Variants in SNRPD3 observed in about 807,000 individuals in gnomAD.
SNRPD3 encodes small nuclear ribonucleoprotein D3 polypeptide.
For missense variants in SNRPD3, 73 were observed against 167.5 expected (o/e 0.44, Z 3.11); for synonymous variants, 66 against 58.4 (o/e 1.13, Z -0.59).
intron 2 of SNRPD3, among the ~76,000 whole-genome samples, chr22:24,563,023 C>T (rs1478531599): frequency 3.3e-5 from 5 of 152,150 alleles, no homozygotes; most frequent in African/African-American, 1.2e-4. Context: ...TATGGTCCCT[C>T]AAGTAGTTTT....
intron 2 of SNRPD3, among the ~76,000 whole-genome samples, chr22:24,566,765 G>A (rs1272015232): frequency 5.9e-5 from 9 of 152,172 alleles, no homozygotes; most frequent in Admixed American, 5.9e-4. Context: ...TGCTTTTTCT[G>A]TAAATGTGGT....
rs1467545713 is a variant in SNRPD3 at position 24,563,204 on chromosome 22, A to ATGTGTGTGTGTG, written c.127-4779_127-4778insGTGTGTGTGTGT. Among the ~76,000 whole-genome samples, 29 of 99,434 alleles carry ATGTGTGTGTGTG rather than the reference A, an allele frequency of 2.9e-4. No individual in the cohort carries two copies. In the South Asian group the frequency reaches 5.0e-3, roughly 17 times the overall value. The allele number at this position is 99,434 out of a possible 152,430, so 65.2% of individuals were successfully genotyped here. ...GCAACACAGTGAGACCCTGTCTCAT[A>ATGTGTGTGTGTG]TATGTGTGTGTGTGTGTGTGTGTGT... On this transcript the variant is annotated intron_variant, in intron 2 of 3. Coordinates refer to ENST00000215829, the MANE Select transcript of SNRPD3 (RefSeq NM_004175.5).
intron 3 of SNRPD3, 41 bp from the exon 4 acceptor site, chr22:24,571,875 G>A (rs779277849): frequency 3.2e-5 from 51 of 1,611,374 alleles, no homozygotes; most frequent in African/African-American, 4.0e-5. Context: ...AGCATTCACC[G>A]ACCACACTGA....
intron 2 of SNRPD3, among the ~76,000 whole-genome samples, chr22:24,561,535 CTG>C (rs918344602): frequency 3.2e-4 from 49 of 152,188 alleles, no homozygotes; most frequent in African/African-American, 1.1e-3. Context: ...AGCCAGCAGA[CTG>C]TGGCGTAGCT....
Position 24,572,118 on chromosome 22 carries a change from T to TG in SNRPD3, c.*147dup. The TG allele has an allele frequency of 2.0e-6, 3 of 1,467,360 alleles. No homozygotes were observed. The highest frequency in any genetic ancestry group is 1.4e-5 in the African/African-American group (1 of 71,120). The allele number at this position is 1,467,360 out of a possible 1,614,324, so 90.9% of individuals were successfully genotyped here. ...GGGAAATGTTTAAGCTAAATAAATC[T>TG]GGGGGGTTTTTTGTTCTGTTTTGTT... is the stretch of plus-strand genomic sequence containing the variant. On this transcript the variant is annotated 3_prime_UTR_variant, in exon 4 of 4. Coordinates refer to ENST00000215829, the MANE Select transcript of SNRPD3 (RefSeq NM_004175.5).
At chr22:24,569,291 T>C (rs1412143940) in intron 3 of SNRPD3, among the ~76,000 whole-genome samples, 1 of 152,204 alleles carries the variant, frequency 6.6e-6, no homozygotes, top group Admixed American at 6.5e-5. Flanking sequence ...TAGCCTAATT[T>C]GGTTTTATAT....
chr22:24,574,705 C>A lies in SNRPD3; in HGVS notation c.*2728C>A, dbSNP rs1182225027. Among the ~76,000 whole-genome samples, 1 of 152,144 alleles carries A rather than the reference C, an allele frequency of 6.6e-6. No homozygotes were observed. The highest frequency in any genetic ancestry group is 1.5e-5 in the Non-Finnish European group (1 of 68,030). ...TACTGGTGCACACCACCATGCCTAG[C>A]TAATTTTTGTATTTTTTGTAGAGAC... is the stretch of plus-strand genomic sequence containing the variant. On this transcript the variant is annotated 3_prime_UTR_variant, in exon 4 of 4. Transcript: ENST00000215829.
rs149935672 is a variant in SNRPD3 at position 24,567,836 on chromosome 22, A to G, written c.127-148A>G. ...GTGCTCAGTGCAGTCCCTGGTGTAC[A>G]CAGTTAGTACCGATGATTGCTGGGT... On this transcript the variant is annotated intron_variant, in intron 2 of 3. Coordinates refer to ENST00000215829, the MANE Select transcript of SNRPD3 (RefSeq NM_004175.5). 86 of 620,788 alleles carry G rather than the reference A, an allele frequency of 1.4e-4. 1 individual carries two copies. In the South Asian group the frequency reaches 1.7e-3, roughly 12 times the overall value. The allele number at this position is 620,788 out of a possible 1,614,324, so 38.5% of individuals were successfully genotyped here. A position where few individuals can be genotyped will look rare whatever the true frequency, so the allele number is the denominator to read the frequency against.
Position 24,572,998 on chromosome 22 carries a change from T to C in SNRPD3, c.*1021T>C, listed in dbSNP as rs538165529. ...GAGGTAGAGGATTGTTTGAGAGGAGTTCAAAACCAGCCCGCGAGACATAGT... is the reference window on the plus strand; with the variant it reads ...GAGGTAGAGGATTGTTTGAGAGGAGCTCAAAACCAGCCCGCGAGACATAGT... On this transcript the variant is annotated 3_prime_UTR_variant, in exon 4 of 4. Coordinates refer to ENST00000215829, the MANE Select transcript of SNRPD3 (RefSeq NM_004175.5). Among the ~76,000 whole-genome samples, 11 of 151,864 alleles carry C rather than the reference T, an allele frequency of 7.2e-5. No homozygotes were observed. Among genetic ancestry groups the C allele is most frequent in the Non-Finnish European group, 1.0e-4 (7 of 67,982 alleles).
At chr22:24,563,201 C>CGTGTGT (rs1569025361) in intron 2 of SNRPD3, among the ~76,000 whole-genome samples, 3 of 121,662 alleles carry the variant, frequency 2.5e-5, no homozygotes, top group Middle Eastern at 4.0e-3. Context: ...GACCCTGTCT[C>CGTGTGT]ATATATGTGT....
At chr22:24,563,017 G>T (rs562573494) in intron 2 of SNRPD3, among the ~76,000 whole-genome samples, 2 of 152,246 alleles carry the variant, frequency 1.3e-5, no homozygotes, top group South Asian at 4.1e-4. Context: ...CCCTTTTATG[G>T]TCCCTCAAGT....
At chr22:24,557,424 G>A (rs915965233) in intron 1 of SNRPD3, among the ~76,000 whole-genome samples, 1 of 151,752 alleles carries the variant, frequency 6.6e-6, no homozygotes, top group African/African-American at 2.4e-5. Flanking sequence ...TTCATTCCTA[G>A]TTTTACTTCT....
chr22:24,560,239 C>T (rs1355585136), intron 2 of SNRPD3, among the ~76,000 whole-genome samples: 1 of 148,760 alleles, frequency 6.7e-6, no homozygotes, highest in African/African-American at 2.5e-5. Context: ...GCCTCAGCCT[C>T]CTGAGTAGCT....
chr22:24,566,227 C>T (rs769480087), intron 2 of SNRPD3, among the ~76,000 whole-genome samples: 2 of 152,142 alleles, frequency 1.3e-5, no homozygotes, highest in Non-Finnish European at 2.9e-5. Context: ...AGAAACCATT[C>T]CTCTAGAAAC....
upstream of SNRPD3, chr22:24,555,692 C>A: frequency 6.4e-7 from 1 of 1,550,672 alleles, no homozygotes. Context: ...TGTCCCCGGT[C>A]TGAGGGCCCA....
chr22:24,571,833 G>T (rs1440527367), intron 3 of SNRPD3, 83 bp from the exon 4 acceptor site: 2 of 1,382,404 alleles, frequency 1.4e-6, no homozygotes, highest in Non-Finnish European at 2.1e-6. Context: ...CTTCTAACTG[G>T]TGTCCTAGGG....
chr22:24,563,085 T>C (rs983092364), intron 2 of SNRPD3, among the ~76,000 whole-genome samples: 8 of 152,006 alleles, frequency 5.3e-5, no homozygotes, highest in Non-Finnish European at 1.0e-4. Context: ...ATGCAAAATA[T>C]GGCCAGGCAC....
intron 3 of SNRPD3, among the ~76,000 whole-genome samples, 164 bp from the exon 4 acceptor site, chr22:24,571,752 A>G (rs1273461500): frequency 1.4e-5 from 2 of 147,168 alleles, no homozygotes; most frequent in South Asian, 2.1e-4. Context: ...TCAAAAAATA[A>G]AAAAAAAAAA....
Position 24,560,090 on chromosome 22 carries a change from A to ATTTTTTTTTTT in SNRPD3, c.126+2299_126+2309dup, listed in dbSNP as rs71189257. Among the ~76,000 whole-genome samples the ATTTTTTTTTTT allele has an allele frequency of 8.5e-4, 76 of 89,248 alleles. 3 individuals are homozygous for ATTTTTTTTTTT. The highest frequency in any genetic ancestry group is 1.2e-3 in the African/African-American group (29 of 23,216). The allele number at this position is 89,248 out of a possible 152,430, so 58.6% of individuals were successfully genotyped here. A position where few individuals can be genotyped will look rare whatever the true frequency, so the allele number is the denominator to read the frequency against. Reference sequence around the variant, plus strand: ...CTTAACATAATTATGTTTATAAAGAATTTTTTTTTTTTTTTTTTTGAGATG... The same window carrying ATTTTTTTTTTT: ...CTTAACATAATTATGTTTATAAAGAATTTTTTTTTTTTTTTTTTTTTTTTTTTTTTGAGATG... On this transcript the variant is annotated intron_variant, in intron 2 of 3. Coordinates refer to ENST00000215829, the MANE Select transcript of SNRPD3 (RefSeq NM_004175.5).
Sources: gnomAD v4.1 joint callset for allele counts (sites outside exome capture counted in the v4.1 genomes callset) on GRCh38, gnomAD v4.1.1 for gene constraint, MANE v1.5 for transcripts, NCBI Gene and HGNC (gene_info 2026-07-23, HGNC 2026-07-21) for gene names.